SPATA6L: variants seen among roughly 807,000 people sequenced by gnomAD.
SPATA6L encodes the protein spermatogenesis associated 6-like protein.
SPATA6L carries 68 observed loss-of-function variants against 49.2 expected under a neutral mutation model. The observed-to-expected ratio is 1.38, with a 90% CI of 1.14 to 1.69. The LOEUF is 1.69. SPATA6L is among the 40% of genes most tolerant of loss of function. The pLI is 0.00. For synonymous variants in SPATA6L, 198 were observed against 165.7 expected (o/e 1.19, Z -1.50); for missense variants, 668 against 464.3 (o/e 1.44, Z -4.03).
At chr9:4,617,123 G>A (rs896915596) in intron 9 of SPATA6L, among the ~76,000 whole-genome samples, 1 of 152,126 alleles carries the variant, frequency 6.6e-6, no homozygotes, top group African/African-American at 2.4e-5. Context: ...CAGGGCCACT[G>A]TGGTTCTGGG....
At chr9:4,646,889 A>C (rs906974958) in intron 3 of SPATA6L, among the ~76,000 whole-genome samples, 1 of 152,174 alleles carries the variant, frequency 6.6e-6, no homozygotes, top group African/African-American at 2.4e-5. Flanking sequence ...GGACACACAG[A>C]GGGGACCAAT....
chr9:4,591,092 A>G (rs1821874541), intron 13 of SPATA6L, among the ~76,000 whole-genome samples: 1 of 152,146 alleles, frequency 6.6e-6, no homozygotes, highest in Non-Finnish European at 1.5e-5. Flanking sequence ...TCTGCGCCCC[A>G]TGGAAAGTAC....
Position 4,608,558 on chromosome 9 carries a change from C to G in SPATA6L, c.996-3118G>C, listed in dbSNP as rs1163623062. Among the ~76,000 whole-genome samples the G allele has an allele frequency of 2.4e-5, 3 of 126,346 alleles. No homozygotes were observed. In the East Asian group the frequency reaches 6.6e-4, roughly 28 times the overall value. 82.9% of individuals were successfully genotyped at this position (126,346 alleles called of 152,430 possible). A position where few individuals can be genotyped will look rare whatever the true frequency, so the allele number is the denominator to read the frequency against. ...TCCTGAATGACTACTGGGTACATAA[C>G]GAAATGAAGGCAGAAATAAAGATGT... On this transcript the variant is annotated intron_variant, in intron 9 of 11. Coordinates refer to ENST00000682582, the MANE Select transcript of SPATA6L (RefSeq NM_001353486.2).
chr9:4,661,988 C>T lies in SPATA6L; in HGVS notation c.88G>A (p.Gly30Arg), dbSNP rs750531628. ...FLPGKQDVYL[G>R]VYLMNQYLET... ...AGGTACTGATTCATGAGGTAGACCC[C>T]GAGGTACACATCTTGTTTGCCAGGC... Residue 30 changes from glycine (G) to arginine (R), a missense_variant, in exon 2 of 12, where the codon GGG (glycine) becomes AGG (arginine). Physicochemically the swap from Gly to Arg is moderately radical, Grantham distance 125. Transcript: ENST00000682582. 24 of 1,613,848 alleles carry T rather than the reference C, an allele frequency of 1.5e-5. No homozygotes were observed. The South Asian group carries it at 2.3e-4, about 16-fold the overall frequency.
chr9:4,639,841 G>A (rs1027673784), intron 3 of SPATA6L, among the ~76,000 whole-genome samples: 4 of 152,190 alleles, frequency 2.6e-5, no homozygotes, highest in Admixed American at 2.6e-4. Flanking sequence ...AATTGACAGC[G>A]CGCTTCCAGA....
chr9:4,589,205 T>A (rs1283566783), intron 13 of SPATA6L, among the ~76,000 whole-genome samples: 1 of 152,234 alleles, frequency 6.6e-6, no homozygotes, highest in African/African-American at 2.4e-5. Flanking sequence ...CAGCAGTCAA[T>A]GAGAAAATGC....
intron 4 of SPATA6L, chr9:4,633,238 C>A: frequency 6.4e-6 from 1 of 157,380 alleles, no homozygotes. Context: ...TATCTTGACC[C>A]ATGGCCAAGT....
downstream of SPATA6L, among the ~76,000 whole-genome samples, chr9:4,597,782 C>A (rs1214675212): frequency 6.6e-6 from 1 of 152,080 alleles, no homozygotes; most frequent in Non-Finnish European, 1.5e-5. Context: ...AGGAGGGGTC[C>A]CCTAACCAGA....
chr9:4,604,821 G>A (rs1824318619), intron 10 of SPATA6L, among the ~76,000 whole-genome samples: 1 of 152,170 alleles, frequency 6.6e-6, no homozygotes. Flanking sequence ...ACTTAGCTGT[G>A]TATCTGAATC....
intron 9 of SPATA6L, among the ~76,000 whole-genome samples, chr9:4,610,141 A>C (rs1347227792): frequency 6.6e-6 from 1 of 152,182 alleles, no homozygotes; most frequent in East Asian, 1.9e-4. Flanking sequence ...TCAATGAAAT[A>C]AAAGAGGATA....
At chr9:4,649,881 T>C (rs2130712853) in intron 3 of SPATA6L, among the ~76,000 whole-genome samples, 1 of 152,218 alleles carries the variant, frequency 6.6e-6, no homozygotes, top group East Asian at 1.9e-4. Context: ...TTTGAAATGC[T>C]GAATTTTTTT....
At chr9:4,636,351 A>G (rs1832807194) in intron 3 of SPATA6L, among the ~76,000 whole-genome samples, 1 of 152,202 alleles carries the variant, frequency 6.6e-6, no homozygotes, top group African/African-American at 2.4e-5. Context: ...AATTTTTTAC[A>G]GTGACTTGTA....
At chr9:4,596,214 A>AC (rs1391705841), downstream of SPATA6L, among the ~76,000 whole-genome samples, 1 of 151,996 alleles carries the variant, frequency 6.6e-6, no homozygotes, top group Non-Finnish European at 1.5e-5. Flanking sequence ...ACCCCTCCCG[A>AC]CCCCACAGGG....
At chr9:4,648,835 T>G (rs993377900) in intron 3 of SPATA6L, among the ~76,000 whole-genome samples, 2 of 152,156 alleles carry the variant, frequency 1.3e-5, no homozygotes, top group African/African-American at 4.8e-5. Flanking sequence ...CTTCCCACCC[T>G]TTCCCCCTGA....
At chr9:4,629,532 C>A (rs1023630640) in intron 4 of SPATA6L, among the ~76,000 whole-genome samples, 14 of 151,792 alleles carry the variant, frequency 9.2e-5, no homozygotes, top group African/African-American at 3.1e-4. Flanking sequence ...GTTAGCTACT[C>A]TATTTAAAAC....
intron 11 of SPATA6L, among the ~76,000 whole-genome samples, chr9:4,601,286 C>T (rs301449): frequency 0.82 from 124,036 of 151,286 alleles, 50,999 homozygotes; most frequent in Middle Eastern, 0.94. Flanking sequence ...TAATTTGGCA[C>T]TGCACACTGG....
At chr9:4,665,487 A>G (rs565096440) in intron 1 of SPATA6L, among the ~76,000 whole-genome samples, 8 of 152,366 alleles carry the variant, frequency 5.3e-5, no homozygotes, top group Middle Eastern at 3.4e-3. Flanking sequence ...CCATTTGCCA[A>G]TTGTATGGAA....
chr9:4,659,300 C>A (rs1271334760), intron 2 of SPATA6L, among the ~76,000 whole-genome samples: 1 of 152,188 alleles, frequency 6.6e-6, no homozygotes, highest in Non-Finnish European at 1.5e-5. Flanking sequence ...GCATCACTTT[C>A]CAGACCTTTA....
intron 13 of SPATA6L, among the ~76,000 whole-genome samples, chr9:4,591,107 T>C (rs1821875570): frequency 6.6e-6 from 1 of 152,142 alleles, no homozygotes; most frequent in Admixed American, 6.5e-5. Context: ...AAGTACCTTT[T>C]CCAAGGTGAA....
Sources: allele counts gnomAD v4.1 joint callset (sites outside exome capture counted in the v4.1 genomes callset), GRCh38; gene constraint gnomAD v4.1.1; transcripts MANE v1.5; gene names NCBI Gene and HGNC (gene_info 2026-07-23, HGNC 2026-07-21).